The following VWF variants were observed in gnomAD, a reference collection of about 807,000 sequenced individuals.
VWF encodes Factor VIII related antigen.
Under a neutral mutation model 308.6 loss-of-function variants are expected in VWF, and 176 were observed. The observed-to-expected ratio is 0.57, with a 90% CI of 0.50 to 0.65. The LOEUF (loss-of-function observed/expected upper bound fraction) is 0.65. Among genes scored for constraint, VWF ranks in the 30% least tolerant of loss-of-function variants. The pLI is 0.00. For missense variants in VWF, 3,146 were observed against 3,648.2 expected (o/e 0.86, Z 3.55); for synonymous variants, 1,385 against 1,443.4 (o/e 0.96, Z 0.92).
intron 38 of VWF, among the ~76,000 whole-genome samples, chr12:5,990,832 A>G (rs1591846419): frequency 7.2e-6 from 1 of 139,762 alleles, no homozygotes; most frequent in South Asian, 2.4e-4. Context: ...TCTGGTAAAT[A>G]TGCTTTCAAA....
intron 12 of VWF, among the ~76,000 whole-genome samples, 169 bp downstream of exon 12, chr12:6,064,077 G>A (rs1944685366): frequency 6.6e-6 from 1 of 152,202 alleles, no homozygotes; most frequent in Non-Finnish European, 1.5e-5. Context: ...TTCCTTTCTT[G>A]GAGGGATGCA....
chr12:6,038,914 C>T (rs1344035461), intron 18 of VWF, among the ~76,000 whole-genome samples: 1 of 152,154 alleles, frequency 6.6e-6, no homozygotes, highest in East Asian at 1.9e-4. Context: ...AATAGCCCAG[C>T]TAAAAACACC....
At chr12:6,033,442 G>A (rs1944294643) in intron 20 of VWF, among the ~76,000 whole-genome samples, 1 of 152,230 alleles carries the variant, frequency 6.6e-6, no homozygotes, top group Admixed American at 6.5e-5. Flanking sequence ...AGCAGATGCT[G>A]ACCAGCTGTC....
chr12:5,963,287 A>C (rs1943339820), intron 47 of VWF, among the ~76,000 whole-genome samples: 1 of 152,250 alleles, frequency 6.6e-6, no homozygotes, highest in South Asian at 2.1e-4. Flanking sequence ...AAGGGCAAAC[A>C]ACCCAATTTA....
intron 3 of VWF, among the ~76,000 whole-genome samples, chr12:6,112,858 C>G (rs1261617328): frequency 2.2e-5 from 3 of 137,844 alleles, no homozygotes; most frequent in Non-Finnish European, 4.6e-5. Context: ...ACACACCACA[C>G]GCACACACAC....
intron 16 of VWF, among the ~76,000 whole-genome samples, chr12:6,047,419 G>C (rs999240532): frequency 2.0e-5 from 3 of 152,194 alleles, no homozygotes; most frequent in African/African-American, 7.2e-5. Context: ...CTCCAGGGCT[G>C]ATTCACTGAA....
intron 6 of VWF, among the ~76,000 whole-genome samples, chr12:6,091,786 T>G (rs1945037547): frequency 1.3e-5 from 2 of 152,154 alleles, no homozygotes; most frequent in African/African-American, 2.4e-5. Flanking sequence ...AAGGGCCCAC[T>G]GGTAGAAATA....
At chr12:5,960,487 T>C (rs1273340781) in intron 47 of VWF, among the ~76,000 whole-genome samples, 1 of 152,186 alleles carries the variant, frequency 6.6e-6, no homozygotes, top group East Asian at 1.9e-4. Flanking sequence ...CCATATTTTG[T>C]TGGATCTAGC....
At chr12:6,103,747 T>C (rs1019129958) in intron 5 of VWF, among the ~76,000 whole-genome samples, 2 of 151,424 alleles carry the variant, frequency 1.3e-5, no homozygotes, top group Admixed American at 6.6e-5. Flanking sequence ...TCTCTCACCA[T>C]ATACAAAAAA....
chr12:6,004,259 G>A (rs1440925497), intron 34 of VWF, among the ~76,000 whole-genome samples: 1 of 151,810 alleles, frequency 6.6e-6, no homozygotes, highest in African/African-American at 2.4e-5. Flanking sequence ...TAGCCAAGTG[G>A]GATCAACATT....
At chr12:6,037,860 CT>C (rs11349246) in intron 18 of VWF, among the ~76,000 whole-genome samples, 31,508 of 152,118 alleles carry the variant, frequency 0.21, 3,509 homozygotes, top group Non-Finnish European at 0.25. Context: ...GAACAAAGGG[CT>C]TTCAAGGACC....
Position 5,994,548 on chromosome 12 carries a change from G to A in VWF, c.6123C>T (p.Asn2041=), listed in dbSNP as rs1943786371. The A allele has an allele frequency of 1.3e-5, 21 of 1,613,856 alleles. No individual in the cohort carries two copies. The highest frequency in any genetic ancestry group is 1.2e-4 in the South Asian group (11 of 91,082). ...CCTCATGCATGATGGCACCATAAAC[G>A]TTGACTTCCATGTTCCCACCCACGT... ...VPYVGGNMEV[N]VYGAIMHEVR... The change falls in exon 36 of 52, where the codon AAC becomes AAT. Residue 2041 remains asparagine, a synonymous_variant. Coordinates refer to ENST00000261405, the MANE Select transcript of VWF (RefSeq NM_000552.5).
At chr12:6,062,841 C>T (rs1393363594) in intron 13 of VWF, 113 bp downstream of exon 13, 2 of 858,144 alleles carry the variant, frequency 2.3e-6, no homozygotes, top group Admixed American at 4.1e-5. Context: ...GGGTGTAGGC[C>T]ATGAGGAGAA....
chr12:6,044,285 A>T lies in VWF; in HGVS notation c.2442+6T>A, dbSNP rs1484794197. 6.2e-7 allele frequency: 1 copy of T among 1,613,866 alleles called. No individual in the cohort carries two copies. On this transcript the variant is annotated splice_donor_region_variant and intron_variant, in intron 18 of 51. Coordinates refer to ENST00000261405, the MANE Select transcript of VWF (RefSeq NM_000552.5). The stretch of plus-strand genomic sequence containing the variant: ...GCAGGCACCAGCTCTGTGCCTGGTG[A>T]CTCACCATGCCCGGGGGGCAGAGGC...
chr12:5,962,538 C>CTTTTTT (rs35124526), intron 47 of VWF, among the ~76,000 whole-genome samples: 23 of 101,598 alleles, frequency 2.3e-4, no homozygotes, highest in South Asian at 7.5e-4. Flanking sequence ...ACAGGCAATT[C>CTTTTTT]TTTTTTTTTT....
chr12:6,063,713 T>C lies in VWF; in HGVS notation c.1432+533A>G, dbSNP rs1944681886. On this transcript the variant is annotated intron_variant, in intron 12 of 51. Coordinates refer to ENST00000261405, the MANE Select transcript of VWF (RefSeq NM_000552.5). The surrounding 1 kb of genome is among the most constrained non-coding windows in gnomAD (Gnocchi z 4.9). ...CACTTTGAGTGTGAAGTTTGGGAGCTTTACCATGCAAAAGCAGGTTTGCTT... is the reference window on the plus strand; with the variant it reads ...CACTTTGAGTGTGAAGTTTGGGAGCCTTACCATGCAAAAGCAGGTTTGCTT... 6.6e-6 allele frequency among the ~76,000 whole-genome samples: 1 copy of C among 152,056 alleles called. No homozygotes were observed. Among genetic ancestry groups the C allele is most frequent in the African/African-American group, 2.4e-5 (1 of 41,394 alleles).
intron 47 of VWF, among the ~76,000 whole-genome samples, chr12:5,966,087 GC>G (rs980791912): frequency 5.3e-5 from 8 of 152,160 alleles, no homozygotes; most frequent in Admixed American, 1.3e-4. Flanking sequence ...GAGCGGGCCT[GC>G]CCTCCAGAGA....
chr12:6,099,765 G>A (rs1463224990), intron 5 of VWF, among the ~76,000 whole-genome samples: 2 of 151,694 alleles, frequency 1.3e-5, no homozygotes, highest in South Asian at 2.1e-4. Context: ...AGACTTAAAC[G>A]TTAGACCTAA....
At chr12:6,085,099 C>T (rs1944954292) in intron 6 of VWF, among the ~76,000 whole-genome samples, 1 of 152,190 alleles carries the variant, frequency 6.6e-6, no homozygotes. Context: ...ACCCTCCTCA[C>T]CTTCTCCTTG....
Sources: gnomAD v4.1 joint callset for allele counts (sites outside exome capture counted in the v4.1 genomes callset) on GRCh38, gnomAD v4.1.1 for gene constraint, Gnocchi (gnomAD v3.1) non-coding constraint, MANE v1.5 for transcripts, NCBI Gene and HGNC (gene_info 2026-07-23, HGNC 2026-07-21) for gene names.